Variants in GART observed in about 807,000 individuals in gnomAD.
GART encodes the protein phosphoribosylglycinamide formyltransferase, phosphoribosylglycinamide synthetase, phosphoribosylaminoimidazole synthetase.
GART carries 43 observed loss-of-function variants against 107.2 expected under a neutral mutation model. That is an observed-to-expected ratio of 0.40 (90% confidence interval 0.31 to 0.52). The LOEUF (loss-of-function observed/expected upper bound fraction) is 0.52, where lower values mean the gene tolerates loss of function less well. Ranked by LOEUF, GART falls within the 20% of genes least tolerant of loss-of-function variation. The pLI is 0.52. For synonymous variants in GART, 434 were observed against 427.0 expected, an observed-to-expected ratio of 1.02 and a Z score of -0.20; for missense variants, 1,107 against 1,206.5, an observed-to-expected ratio of 0.92 and a Z score of 1.22.
intron 16 of GART, among the ~76,000 whole-genome samples, chr21:33,512,219 G>A (rs1203493531): frequency 6.8e-6 from 1 of 147,304 alleles, no homozygotes; most frequent in East Asian, 2.1e-4. Context: ...GGGAGGTGGA[G>A]GTTGCAGTGG....
intron 8 of GART, 45 bp from the exon 9 acceptor site, chr21:33,528,649 A>G (rs1392762947): frequency 4.6e-6 from 6 of 1,315,886 alleles, no homozygotes; most frequent in Non-Finnish European, 5.3e-6. Flanking sequence ...AAGAAAATCT[A>G]TGATGAAGAC....
At chr21:33,529,051 A>C (rs1011597858) in intron 7 of GART, 114 bp from the exon 8 acceptor site, 2 of 592,984 alleles carry the variant, frequency 3.4e-6, no homozygotes, top group Non-Finnish European at 5.9e-6. Flanking sequence ...TACTACCTGA[A>C]ACATGCTGAA....
chr21:33,535,340 A>T lies in GART; in HGVS notation c.146-20T>A. On this transcript the variant is annotated intron_variant, in intron 2 of 21. Transcript: ENST00000381815. Reference sequence around the variant, plus strand: ...AGATGGCTGTAAACAGAAAAAAAAAAAAAAAAACCACTGCATTTACAAAAA... The same window carrying T: ...AGATGGCTGTAAACAGAAAAAAAAATAAAAAAACCACTGCATTTACAAAAA... 1 of 1,427,172 alleles carries T rather than the reference A, an allele frequency of 7.0e-7. No individual in the cohort carries two copies. The highest frequency in any genetic ancestry group is 1.9e-4 in the Middle Eastern group (1 of 5,326). 88.4% of individuals were successfully genotyped at this position (1,427,172 alleles called of 1,614,324 possible).
chr21:33,504,572 G>C (rs1355283198), intron 20 of GART, 45 bp from the exon 21 acceptor site: 3 of 1,383,358 alleles, frequency 2.2e-6, no homozygotes, highest in East Asian at 4.6e-5. Context: ...AAAAATCCTG[G>C]GTATTCTGTT....
Position 33,520,464 on chromosome 21 carries a change from G to A in GART, c.1602C>T (p.Phe534=), listed in dbSNP as rs752886369. ...ILAQGAEPLF[F]LDYFSCGKLD... is the part of the protein sequence containing the mutation. ...GTTTTCCACAGGAAAAGTAATCAAG[G>A]AAGAAGAGGGGCTCTGCTCCTTGTG... The change falls in exon 14 of 22, where the codon TTC becomes TTT. Residue 534 remains phenylalanine, a synonymous_variant. Coordinates refer to ENST00000381815, the MANE Select transcript of GART (RefSeq NM_000819.5). The A allele has an allele frequency of 1.2e-6, 2 of 1,614,124 alleles. No individual in the cohort carries two copies. Among genetic ancestry groups the A allele is most frequent in the Non-Finnish European group, 1.7e-6 (2 of 1,180,004 alleles).
chr21:33,541,785 G>A (rs2085433391), intron 1 of GART, among the ~76,000 whole-genome samples: 1 of 152,190 alleles, frequency 6.6e-6, no homozygotes, highest in African/African-American at 2.4e-5. Context: ...GACAACGGGT[G>A]CATAAAGAGA....
At chr21:33,523,181 G>A (rs1047422819) in intron 11 of GART, among the ~76,000 whole-genome samples, 3 of 152,152 alleles carry the variant, frequency 2.0e-5, no homozygotes, top group African/African-American at 4.8e-5. Flanking sequence ...CTGCTGGGAT[G>A]CAGTGATACA....
At chr21:33,516,246 TAAAA>T (rs11321647) in intron 16 of GART, among the ~76,000 whole-genome samples, 21 of 95,176 alleles carry the variant, frequency 2.2e-4, no homozygotes, top group Non-Finnish European at 3.3e-4. Flanking sequence ...AGACTCTGTC[TAAAA>T]AAAAAAAAAA....
chr21:33,520,512 T>A lies in GART; in HGVS notation c.1554A>T (p.Ala518=), dbSNP rs912670615. 1 of 1,614,028 alleles carries A rather than the reference T, an allele frequency of 6.2e-7. No homozygotes were observed. The highest frequency in any genetic ancestry group is 8.5e-7 in the Non-Finnish European group (1 of 1,180,004). Reference sequence around the variant, plus strand: ...GTGCCAGAATATCATTAACACACATTGCTACCAAATCTTGACCAATGGTAT... The same window carrying A: ...GTGCCAGAATATCATTAACACACATAGCTACCAAATCTTGACCAATGGTAT... The part of the protein sequence containing the change: ...KHDTIGQDLV[A]MCVNDILAQG... The change falls in exon 14 of 22, where the codon GCA becomes GCT. Residue 518 remains alanine, a synonymous_variant. Transcript: ENST00000381815.
At chr21:33,525,599 T>G (rs1247673502) in intron 10 of GART, among the ~76,000 whole-genome samples, 2 of 151,994 alleles carry the variant, frequency 1.3e-5, no homozygotes, top group Non-Finnish European at 2.9e-5. Flanking sequence ...CCCAGCTAAT[T>G]TTTGTATTTT....
chr21:33,504,296 T>A lies in GART; in HGVS notation c.2861A>T (p.Gln954Leu). 8.1e-6 allele frequency: 13 copies of A among 1,614,008 alleles called. No homozygotes were observed. Among genetic ancestry groups the A allele is most frequent in the Non-Finnish European group, 1.1e-5 (13 of 1,179,900 alleles). The change falls in exon 22 of 22, where the codon CAG becomes CTG. Residue 954 changes from glutamine to leucine, a missense_variant. Transcript: ENST00000381815. The stretch of plus-strand genomic sequence containing the variant: ...GGGAACAGCTTCTTGCAAAATAATC[T>A]GTCCAGCATCCACATCTTCCTGGAA... ...HFVAEDVDAG[Q>L]IILQEAVPVK...
At chr21:33,513,040 C>T (rs1028828362) in intron 16 of GART, among the ~76,000 whole-genome samples, 1 of 151,718 alleles carries the variant, frequency 6.6e-6, no homozygotes, top group Non-Finnish European at 1.5e-5. Flanking sequence ...CTCAGCCTCC[C>T]GAGTAGCTGG....
chr21:33,524,904 G>A lies in GART; in HGVS notation c.1163C>T (p.Ala388Val). 2 of 1,614,140 alleles carry A rather than the reference G, an allele frequency of 1.2e-6. No homozygotes were observed. The highest frequency in any genetic ancestry group is 1.7e-6 in the Non-Finnish European group (2 of 1,180,020). ...GAGATTTTCCCGGATGGCTGTGACTGCAAGAACTCTACCCCCATGAGTTAC... is the reference window on the plus strand; with the variant it reads ...GAGATTTTCCCGGATGGCTGTGACTACAAGAACTCTACCCCCATGAGTTAC... ...KVVTHGGRVL[A>V]VTAIRENLIS... is the part of the protein sequence containing the mutation. Residue 388 changes from alanine (A) to valine (V), a missense_variant, in exon 11 of 22, where the codon GCA becomes GTA. Physicochemically the swap from Ala to Val is moderately conservative, Grantham distance 64. Transcript: ENST00000381815.
chr21:33,524,856 T>C lies in GART; in HGVS notation c.1211A>G (p.Lys404Arg), dbSNP rs775692442. Residue 404 changes from lysine to arginine, a missense_variant, in exon 11 of 22, where the codon AAG becomes AGG. Lys to Arg is a conservative substitution (Grantham distance 26). Coordinates refer to ENST00000381815, the MANE Select transcript of GART (RefSeq NM_000819.5). ...AAACTTTATAGCAGCTAGTCCTTTC[T>C]TGGCTTCCTCAAGGGCTGATATGAG... ...ENLISALEEA[K>R]KGLAAIKFEG... 10 of 1,614,110 alleles carry C rather than the reference T, an allele frequency of 6.2e-6. No homozygotes were observed. The Admixed American group carries it at 1.3e-4, about 22-fold the overall frequency.
intron 4 of GART, among the ~76,000 whole-genome samples, chr21:33,533,708 C>T (rs1410535779): frequency 6.6e-5 from 10 of 151,988 alleles, no homozygotes; most frequent in South Asian, 2.1e-4. Flanking sequence ...AGTTTGAGAC[C>T]GGCCTGGGAA....
intron 17 of GART, 66 bp from the exon 18 acceptor site, chr21:33,509,986 A>C (rs1601175047): frequency 6.9e-7 from 1 of 1,442,818 alleles, no homozygotes; most frequent in Non-Finnish European, 9.5e-7. Flanking sequence ...TAATGGAAAG[A>C]AAAATATTTT....
intron 16 of GART, among the ~76,000 whole-genome samples, chr21:33,515,652 C>CAAAAAAAAAAAAA: frequency 2.8e-5 from 1 of 35,846 alleles, no homozygotes. Flanking sequence ...GACTCCAACT[C>CAAAAAAAAAAAAA]AAAAAAAAAA....
At chr21:33,534,789 G>C in intron 3 of GART, 36 bp from the exon 4 acceptor site, 1 of 1,518,730 alleles carries the variant, frequency 6.6e-7, no homozygotes, top group Non-Finnish European at 8.8e-7. Context: ...GTGAACCAAG[G>C]TCTCCCCAGG....
At position 33,528,073 on chromosome 21, in the gene GART, C is replaced by CG. The variant is rs1229920300; in HGVS notation, c.1066+93_1066+94insC. The CG allele has an allele frequency of 3.3e-6, 4 of 1,200,668 alleles. No homozygotes were observed. In the Admixed American group the frequency reaches 7.2e-5, roughly 21 times the overall value. The allele number at this position is 1,200,668 out of a possible 1,614,324, so 74.4% of individuals were successfully genotyped here. On this transcript the variant is annotated intron_variant, in intron 10 of 21. Transcript: ENST00000381815. ...GAAAGGTTTCTGATGGCTTCACACT[C>CG]TTATCGAGAGCAAGCCTTAGTGTGA...
Sources: allele counts gnomAD v4.1 joint callset (sites outside exome capture counted in the v4.1 genomes callset), GRCh38; gene constraint gnomAD v4.1.1; transcripts MANE v1.5; gene names NCBI Gene and HGNC (gene_info 2026-07-23, HGNC 2026-07-21).